RIMS1: variants seen among roughly 807,000 people sequenced by gnomAD.
RIMS1 encodes regulating synaptic membrane exocytosis 1.
RIMS1 carries 83 observed loss-of-function variants against 214.1 expected under a neutral mutation model. The observed-to-expected ratio is 0.39, with a 90% CI of 0.32 to 0.47. RIMS1 has a LOEUF of 0.47. Among genes scored for constraint, RIMS1 ranks in the 20% least tolerant of loss-of-function variants. RIMS1 has a pLI of 0.99. For missense variants in RIMS1, 2,050 were observed against 2,161.8 expected, an observed-to-expected ratio of 0.95 and a Z score of 1.03; for synonymous variants, 793 against 786.8, an observed-to-expected ratio of 1.01 and a Z score of -0.13.
At chr6:72,285,666 A>C (rs1035527516) in intron 24 of RIMS1, among the ~76,000 whole-genome samples, 3 of 152,176 alleles carry the variant, frequency 2.0e-5, no homozygotes, top group Non-Finnish European at 4.4e-5. Flanking sequence ...CAATCGATAG[A>C]TAGATAGCCT....
intron 19 of RIMS1, chr6:72,263,421 A>T: frequency 2.0e-6 from 2 of 978,488 alleles, no homozygotes; most frequent in Non-Finnish European, 2.4e-6. Context: ...GGATGTAGAA[A>T]CAGGCTTGGA....
At position 72,333,827 on chromosome 6, in the gene RIMS1, G is replaced by A; in HGVS notation, c.4358G>A (p.Ser1453Asn). 1 of 1,576,220 alleles carries A rather than the reference G, an allele frequency of 6.3e-7. No individual in the cohort carries two copies. The highest frequency in any genetic ancestry group is 1.2e-5 in the South Asian group (1 of 85,880). ...AGGAGTAGAAGCACATCCCAGCTTA[G>A]TCAAACAGGTGAGTGATGTGAATTC... ...SRRSRSTSQL[S>N]QTESGHKKLK... The change falls in exon 29 of 34, where the codon AGT (serine) becomes AAT (asparagine). Residue 1453 changes from serine to asparagine, a missense_variant. This residue lies in a region of RIMS1 where 889 missense variants were observed against 885.5 expected (regional missense o/e 1.00). Coordinates refer to ENST00000521978, the MANE Select transcript of RIMS1 (RefSeq NM_014989.7).
chr6:72,083,142 T>TA (rs1272018993), intron 2 of RIMS1, among the ~76,000 whole-genome samples: 1 of 152,198 alleles, frequency 6.6e-6, no homozygotes, highest in Admixed American at 6.5e-5. Context: ...TATGTAAATT[T>TA]ATCAGATATT....
Position 72,292,925 on chromosome 6 carries a change from C to T in RIMS1, c.3850+879C>T, listed in dbSNP as rs77243519. Among the ~76,000 whole-genome samples the T allele has an allele frequency of 1.5e-3, 224 of 152,078 alleles. 2 individuals are homozygous for T. The East Asian group carries it at 0.037, about 25-fold the overall frequency. On this transcript the variant is annotated intron_variant, in intron 26 of 33. Transcript: ENST00000521978. ...AGGTTAACACTTTGAATATTTTTTT[C>T]AGCAGTGTTATTGTTGCTGATGGAA... is the stretch of plus-strand genomic sequence containing the variant.
At chr6:72,066,308 G>A (rs1829287361) in intron 2 of RIMS1, among the ~76,000 whole-genome samples, 1 of 152,116 alleles carries the variant, frequency 6.6e-6, no homozygotes, top group Non-Finnish European at 1.5e-5. Flanking sequence ...TTATGTACCT[G>A]TGACTTGATA....
chr6:72,316,734 G>A (rs1413381922), intron 28 of RIMS1: 4 of 657,352 alleles, frequency 6.1e-6, no homozygotes, highest in South Asian at 1.4e-5. Context: ...GCAGCCTGGG[G>A]GCCCTCTGGT....
chr6:72,133,089 C>T (rs1179867912), intron 4 of RIMS1, among the ~76,000 whole-genome samples: 1 of 152,054 alleles, frequency 6.6e-6, no homozygotes, highest in Admixed American at 6.6e-5. Flanking sequence ...GAAAAACAGA[C>T]AGGCAACAGG....
intron 2 of RIMS1, among the ~76,000 whole-genome samples, chr6:72,018,713 T>G (rs1409388341): frequency 6.6e-6 from 1 of 151,900 alleles, no homozygotes; most frequent in Non-Finnish European, 1.5e-5. Context: ...ACCCAGAGAG[T>G]GTAGTAACCT....
chr6:71,942,628 T>C (rs1220224652), intron 1 of RIMS1, among the ~76,000 whole-genome samples: 1 of 151,980 alleles, frequency 6.6e-6, no homozygotes, highest in African/African-American at 2.4e-5. Flanking sequence ...TCCTGGAGGG[T>C]TTTTTGTTTG....
intron 2 of RIMS1, among the ~76,000 whole-genome samples, chr6:72,093,229 A>ATATATATATATATATATATATATAG (rs1562294511): frequency 1.2e-5 from 1 of 82,592 alleles, no homozygotes; most frequent in South Asian, 4.3e-4. Flanking sequence ...TATATATATA[A>ATATATATATATATATATATATATAG]AAACATGTGT....
intron 2 of RIMS1, among the ~76,000 whole-genome samples, chr6:72,029,529 C>G (rs1034981872): frequency 1.3e-5 from 2 of 152,086 alleles, no homozygotes; most frequent in Non-Finnish European, 2.9e-5. Flanking sequence ...GAACAGGGCC[C>G]TCACCAGACA....
chr6:72,245,041 A>G (rs2068784940), intron 10 of RIMS1, among the ~76,000 whole-genome samples: 1 of 152,002 alleles, frequency 6.6e-6, no homozygotes, highest in African/African-American at 2.4e-5. Flanking sequence ...ATGCAGTATA[A>G]TACCTAAACC....
rs767344401 is a variant in RIMS1 at position 71,969,015 on chromosome 6, C to A, written c.197C>A (p.Ala66Asp). The change falls in exon 2 of 34, where the codon GCC becomes GAC. Residue 66 changes from alanine (A) to aspartate (D), a missense_variant. This residue lies in a region of RIMS1 where 882 missense variants were observed against 828.9 expected (regional missense o/e 1.06). Coordinates refer to ENST00000521978, the MANE Select transcript of RIMS1 (RefSeq NM_014989.7). ...CVVRDMAKPA[A>D]CKTPRNAENQ... ...GTCAGGGACATGGCGAAGCCTGCTGCCTGCAAAACACCAAGAAATGCTGAA... is the reference window on the plus strand; with the variant it reads ...GTCAGGGACATGGCGAAGCCTGCTGACTGCAAAACACCAAGAAATGCTGAA... The A allele has an allele frequency of 4.1e-5, 66 of 1,614,002 alleles. No homozygotes were observed. Among genetic ancestry groups the A allele is most frequent in the Non-Finnish European group, 5.4e-5 (64 of 1,179,878 alleles).
intron 6 of RIMS1, among the ~76,000 whole-genome samples, chr6:72,187,136 GAGA>G (rs1213808733): frequency 2.0e-5 from 3 of 152,010 alleles, no homozygotes; most frequent in East Asian, 3.9e-4. Context: ...GAAGGAAAGA[GAGA>G]AGGAGAGGAA....
chr6:72,128,763 C>T (rs756987632), intron 4 of RIMS1, among the ~76,000 whole-genome samples: 3 of 152,160 alleles, frequency 2.0e-5, no homozygotes, highest in Non-Finnish European at 2.9e-5. Flanking sequence ...TACTTTCCAC[C>T]ACACCACTAT....
At chr6:72,010,121 G>A (rs1163850793) in intron 2 of RIMS1, among the ~76,000 whole-genome samples, 1 of 152,206 alleles carries the variant, frequency 6.6e-6, no homozygotes, top group East Asian at 1.9e-4. Flanking sequence ...ACATCAAAAA[G>A]CTTATCCACC....
intron 2 of RIMS1, among the ~76,000 whole-genome samples, chr6:72,087,199 A>G (rs917925107): frequency 1.3e-5 from 2 of 152,234 alleles, no homozygotes; most frequent in Admixed American, 6.5e-5. Flanking sequence ...TCAACATAGG[A>G]TCCATGAAGT....
chr6:72,257,797 A>T (rs1320115274), intron 16 of RIMS1, among the ~76,000 whole-genome samples: 1 of 152,148 alleles, frequency 6.6e-6, no homozygotes, highest in African/African-American at 2.4e-5. Flanking sequence ...CAAGCACTTC[A>T]TTTGTGTTGC....
At chr6:72,051,375 G>A (rs1470846886) in intron 2 of RIMS1, among the ~76,000 whole-genome samples, 1 of 152,208 alleles carries the variant, frequency 6.6e-6, no homozygotes, top group Non-Finnish European at 1.5e-5. Context: ...CGTTTACTAT[G>A]TGTTTAGAGG....
Sources: gnomAD v4.1 joint callset for allele counts (sites outside exome capture counted in the v4.1 genomes callset) on GRCh38, gnomAD v4.1.1 for gene constraint, gnomAD v4.1.1 regional missense constraint, MANE v1.5 for transcripts, NCBI Gene and HGNC (gene_info 2026-07-23, HGNC 2026-07-21) for gene names.